FAM135B: variants seen among roughly 807,000 people sequenced by gnomAD.
FAM135B encodes family with sequence similarity 135 member B.
Under a neutral mutation model 127.7 loss-of-function variants are expected in FAM135B, and 43 were observed. The ratio of observed to expected loss-of-function variants is 0.34; its 90% CI spans 0.26 to 0.43. The LOEUF is 0.43. Among genes scored for constraint, FAM135B ranks in the 20% least tolerant of loss-of-function variants. The pLI is 1.00. For synonymous variants in FAM135B, 670 were observed against 665.1 expected, an observed-to-expected ratio of 1.01 and a Z score of -0.11; for missense variants, 1,558 against 1,725.6, an observed-to-expected ratio of 0.90 and a Z score of 1.72.
At chr8:138,145,823 C>T in intron 15 of FAM135B, 136 bp downstream of exon 15, 1 of 562,302 alleles carries the variant, frequency 1.8e-6, no homozygotes, top group South Asian at 2.6e-5. Context: ...TCCAACCCAT[C>T]CAAATGCCTG....
chr8:138,394,419 G>A (rs1050440942), intron 1 of FAM135B, among the ~76,000 whole-genome samples: 3 of 152,194 alleles, frequency 2.0e-5, no homozygotes, highest in Non-Finnish European at 2.9e-5. Context: ...TGAGAGCACA[G>A]AGGTTTAGGT....
intron 4 of FAM135B, among the ~76,000 whole-genome samples, chr8:138,258,759 T>C (rs16908717): frequency 0.19 from 28,484 of 151,192 alleles, 3,070 homozygotes; most frequent in African/African-American, 0.29. Flanking sequence ...TATTTCATGG[T>C]TGGTTGTTGA....
intron 7 of FAM135B, among the ~76,000 whole-genome samples, chr8:138,220,447 T>G (rs943602068): frequency 2.0e-5 from 3 of 152,132 alleles, no homozygotes; most frequent in Non-Finnish European, 4.4e-5. Context: ...ACTTCCCAGG[T>G]GTGTGTCCTG....
At chr8:138,140,138 C>CA (rs1817005468) in intron 17 of FAM135B, among the ~76,000 whole-genome samples, 1 of 152,196 alleles carries the variant, frequency 6.6e-6, no homozygotes, top group Non-Finnish European at 1.5e-5. Flanking sequence ...GGAGGAAAGA[C>CA]AGAGTGCAGA....
At chr8:138,408,849 A>G (rs975694464) in intron 1 of FAM135B, among the ~76,000 whole-genome samples, 1 of 152,154 alleles carries the variant, frequency 6.6e-6, no homozygotes, top group East Asian at 1.9e-4. Flanking sequence ...TGGGGTTACA[A>G]TCTGAGATGA....
chr8:138,387,646 A>C (rs80015616), intron 1 of FAM135B, among the ~76,000 whole-genome samples: 6,421 of 152,198 alleles, frequency 0.042, 453 homozygotes, highest in African/African-American at 0.15. Flanking sequence ...TAGGTTCTCC[A>C]AAGTCATAGT....
chr8:138,403,410 A>T (rs931103271), intron 1 of FAM135B, among the ~76,000 whole-genome samples: 2 of 152,108 alleles, frequency 1.3e-5, no homozygotes, highest in Admixed American at 1.3e-4. Flanking sequence ...GTCTATTGGG[A>T]GGGTTCATTC....
In FAM135B at chr8:138,374,486, G is replaced by A. The variant is rs569034420; in HGVS notation, c.-19-6484C>T. Among the ~76,000 whole-genome samples, 65 of 152,300 alleles carry A rather than the reference G, an allele frequency of 4.3e-4. No individual in the cohort carries two copies. In the South Asian group the frequency reaches 0.013, roughly 31 times the overall value. The stretch of plus-strand genomic sequence containing the variant: ...TATAAGCCCCTAAAAAGGAGTAATT[G>A]TCTGTTTATGAATTTCTAAGCACTC... On this transcript the variant is annotated intron_variant, in intron 1 of 19. Transcript: ENST00000395297.
chr8:138,181,457 C>G (rs1815029140), intron 9 of FAM135B, among the ~76,000 whole-genome samples: 1 of 152,074 alleles, frequency 6.6e-6, no homozygotes, highest in African/African-American at 2.4e-5. Flanking sequence ...CACCTCACCT[C>G]TGCCCACTTC....
In FAM135B at chr8:138,143,041, C is replaced by G. The variant is rs2130624573; in HGVS notation, c.3609G>C (p.Gln1203His). 1 of 1,606,908 alleles carries G rather than the reference C, an allele frequency of 6.2e-7. No individual in the cohort carries two copies. The highest frequency in any genetic ancestry group is 1.1e-5 in the South Asian group (1 of 90,954). The change falls in exon 16 of 20, where the codon CAG becomes CAC. Residue 1203 changes from glutamine (Q) to histidine (H), a missense_variant. Gln to His is a conservative substitution (Grantham distance 24, BLOSUM62 0). Transcript: ENST00000395297. Reference protein sequence around the residue: ...RLLDEIIQHIQLYNLSISRIS... With the variant: ...RLLDEIIQHIHLYNLSISRIS... ...TTCGGGATATGGAGAGGTTGTACAA[C>G]TGAATGTGTTGAATGATTTCATCCA...
chr8:138,342,754 G>C (rs1194821466), intron 2 of FAM135B, among the ~76,000 whole-genome samples: 1 of 152,154 alleles, frequency 6.6e-6, no homozygotes, highest in African/African-American at 2.4e-5. Context: ...AGATATTCCT[G>C]CTTGCTCATT....
At chr8:138,154,410 C>A (rs1176043546) in intron 12 of FAM135B, among the ~76,000 whole-genome samples, 3 of 152,134 alleles carry the variant, frequency 2.0e-5, no homozygotes, top group Non-Finnish European at 4.4e-5. Context: ...AGCTCTTCAC[C>A]AGCAACAGAA....
At chr8:138,473,248 C>G (rs1357838202) in intron 1 of FAM135B, among the ~76,000 whole-genome samples, 2 of 151,970 alleles carry the variant, frequency 1.3e-5, no homozygotes, top group Non-Finnish European at 2.9e-5. Context: ...CTAGCCTGAC[C>G]CAACAGACAG....
intron 1 of FAM135B, among the ~76,000 whole-genome samples, chr8:138,378,385 ATC>A (rs1342908923): frequency 1.3e-5 from 2 of 152,254 alleles, no homozygotes; most frequent in Non-Finnish European, 2.9e-5. Context: ...CAAGAATTTA[ATC>A]TCTCTGTGCC....
At chr8:138,258,838 A>G (rs1822322143) in intron 4 of FAM135B, among the ~76,000 whole-genome samples, 1 of 83,900 alleles carries the variant, frequency 1.2e-5, no homozygotes. Context: ...CACACACACC[A>G]TACACACAAT....
chr8:138,301,488 T>C (rs1360841058), intron 3 of FAM135B, among the ~76,000 whole-genome samples: 1 of 152,174 alleles, frequency 6.6e-6, no homozygotes, highest in Non-Finnish European at 1.5e-5. Flanking sequence ...AGCTCAATTT[T>C]CTTTTTTTTC....
At chr8:138,270,353 G>A (rs1310563288) in intron 3 of FAM135B, among the ~76,000 whole-genome samples, 1 of 152,202 alleles carries the variant, frequency 6.6e-6, no homozygotes, top group African/African-American at 2.4e-5. Flanking sequence ...TCCCAGAAAT[G>A]AAGCTATCTT....
At chr8:138,390,464 G>A (rs1208376276) in intron 1 of FAM135B, among the ~76,000 whole-genome samples, 2 of 152,080 alleles carry the variant, frequency 1.3e-5, no homozygotes, top group African/African-American at 2.4e-5. Flanking sequence ...ACATGGAACT[G>A]TGAGTCCATC....
At chr8:138,302,974 T>C (rs2130854182) in intron 3 of FAM135B, among the ~76,000 whole-genome samples, 1 of 152,386 alleles carries the variant, frequency 6.6e-6, no homozygotes, top group South Asian at 2.1e-4. Flanking sequence ...GGAACGCTTT[T>C]ACACTGTTGG....
Sources: allele counts gnomAD v4.1 joint callset (sites outside exome capture counted in the v4.1 genomes callset), GRCh38; gene constraint gnomAD v4.1.1; transcripts MANE v1.5; gene names NCBI Gene and HGNC (gene_info 2026-07-23, HGNC 2026-07-21).